SAXO1: variants seen among roughly 807,000 people sequenced by gnomAD.
SAXO1 encodes 4930500O09Rik.
A neutral mutation model predicts 17.5 loss-of-function variants in SAXO1; 21 were observed. The observed-to-expected ratio is 1.20, with a 90% CI of 0.85 to 1.72. The LOEUF is 1.72. Among genes scored for constraint, SAXO1 ranks in the 40% most tolerant of loss-of-function variants. SAXO1 has a pLI of 0.00. For synonymous variants in SAXO1, 274 were observed against 216.5 expected, an observed-to-expected ratio of 1.27 and a Z score of -2.33; for missense variants, 843 against 596.0, an observed-to-expected ratio of 1.41 and a Z score of -4.32.
At chr9:19,012,365 A>T (rs897061705) in intron 1 of SAXO1, among the ~76,000 whole-genome samples, 5 of 152,380 alleles carry the variant, frequency 3.3e-5, no homozygotes, top group Admixed American at 6.5e-5. Context: ...AGGGCGCCTC[A>T]CCCCTAATCC....
chr9:18,980,781 G>GAAAAAAAAAA (rs10640487), intron 1 of SAXO1, among the ~76,000 whole-genome samples: 10 of 83,908 alleles, frequency 1.2e-4, no homozygotes, highest in African/African-American at 4.3e-4. Context: ...TTAAAAAACT[G>GAAAAAAAAAA]AAAAAAAAAA....
At chr9:18,973,385 T>C (rs1360480092) in intron 1 of SAXO1, among the ~76,000 whole-genome samples, 1 of 152,248 alleles carries the variant, frequency 6.6e-6, no homozygotes, top group African/African-American at 2.4e-5. Flanking sequence ...AGTAGTGTTG[T>C]AGACAGGTAT....
intron 1 of SAXO1, among the ~76,000 whole-genome samples, chr9:19,047,494 G>A (rs1031953274): frequency 1.3e-5 from 2 of 152,120 alleles, no homozygotes; most frequent in Non-Finnish European, 2.9e-5. Flanking sequence ...AGAATTCAAG[G>A]GCATGGTTTC....
At chr9:19,021,797 T>C (rs1456839818) in intron 1 of SAXO1, among the ~76,000 whole-genome samples, 2 of 147,878 alleles carry the variant, frequency 1.4e-5, no homozygotes, top group Non-Finnish European at 3.0e-5. Context: ...GCAATCTGTG[T>C]CTAGCTAAAG....
intron 1 of SAXO1, among the ~76,000 whole-genome samples, chr9:19,041,609 T>C (rs993032205): frequency 1.3e-5 from 2 of 151,938 alleles, no homozygotes; most frequent in Non-Finnish European, 2.9e-5. Flanking sequence ...CATAGACCAA[T>C]AGAACAGAAA....
rs376464537 is a variant in SAXO1 at position 18,960,459 on chromosome 9, C to T, written c.39-9522G>A. Reference sequence around the variant, plus strand: ...CCTGAAATTTCAGAAATCCCTCCTACCAGGTCTTCCTGGACCCCCTGTCAG... The same window carrying T: ...CCTGAAATTTCAGAAATCCCTCCTATCAGGTCTTCCTGGACCCCCTGTCAG... On this transcript the variant is annotated intron_variant, in intron 1 of 3. Coordinates refer to ENST00000380534, the MANE Select transcript of SAXO1 (RefSeq NM_153707.4). Among the ~76,000 whole-genome samples, 439 of 152,286 alleles carry T rather than the reference C, an allele frequency of 2.9e-3. 7 individuals carry two copies. The South Asian group carries it at 0.043, about 15-fold the overall frequency.
intron 3 of SAXO1, among the ~76,000 whole-genome samples, chr9:18,937,680 A>G (rs1169692554): frequency 6.6e-6 from 1 of 152,140 alleles, no homozygotes; most frequent in Non-Finnish European, 1.5e-5. Flanking sequence ...GGAGGGAGCT[A>G]GCCAAGGCCC....
At position 19,010,771 on chromosome 9, in the gene SAXO1, T is replaced by A. The variant is rs937167522; in HGVS notation, c.38+22100A>T. 2.0e-5 allele frequency among the ~76,000 whole-genome samples: 3 copies of A among 152,344 alleles called. No homozygotes were observed. In the South Asian group the frequency reaches 6.2e-4, roughly 32 times the overall value. ...CAACAGTATTCTAGGAAATTTTCTTTCAATGTGATTACCAGGGGCAGTGAG... is the reference window on the plus strand; with the variant it reads ...CAACAGTATTCTAGGAAATTTTCTTACAATGTGATTACCAGGGGCAGTGAG... On this transcript the variant is annotated intron_variant, in intron 1 of 3. Transcript: ENST00000380534.
At chr9:19,037,950 T>A (rs1413178301), upstream of SAXO1, among the ~76,000 whole-genome samples, 1 of 152,212 alleles carries the variant, frequency 6.6e-6, no homozygotes, top group Admixed American at 6.5e-5. Context: ...GTCTCAAGCT[T>A]TTCCACCCAA....
chr9:18,933,419 A>G (rs1405541596), intron 3 of SAXO1, among the ~76,000 whole-genome samples: 1 of 152,232 alleles, frequency 6.6e-6, no homozygotes, highest in Non-Finnish European at 1.5e-5. Context: ...AGAAAAAAAT[A>G]TCTTTTTAAT....
chr9:19,042,965 A>C (rs1836113156), intron 1 of SAXO1, among the ~76,000 whole-genome samples: 1 of 152,026 alleles, frequency 6.6e-6, no homozygotes, highest in Non-Finnish European at 1.5e-5. Flanking sequence ...TGAGCCCGGG[A>C]GTTTGAGACC....
At position 18,929,062 on chromosome 9, in the gene SAXO1, T is replaced by C. The variant is rs2131663975; in HGVS notation, c.422-7A>G. 1.2e-6 allele frequency: 2 copies of C among 1,612,872 alleles called. No individual in the cohort carries two copies. Among genetic ancestry groups the C allele is most frequent in the East Asian group, 2.2e-5 (1 of 44,872 alleles). ...TTCCAAGGCAAATAATCAGCTGAAA[T>C]TAAAGCAGAAGAGGTAATTAATAAT... On this transcript the variant is annotated splice_region_variant and splice_polypyrimidine_tract_variant and intron_variant, in intron 3 of 3. Coordinates refer to ENST00000380534, the MANE Select transcript of SAXO1 (RefSeq NM_153707.4).
At chr9:18,980,531 GGGGAGGGA>G (rs56933561) in intron 1 of SAXO1, among the ~76,000 whole-genome samples, 1 of 92,718 alleles carries the variant, frequency 1.1e-5, no homozygotes, top group African/African-American at 6.3e-5. Flanking sequence ...GTAGTGGCGG[GGGGAGGGA>G]GGGAGGGAGG....
intron 1 of SAXO1, among the ~76,000 whole-genome samples, chr9:18,967,330 C>T (rs1232049401): frequency 6.6e-6 from 1 of 152,216 alleles, no homozygotes; most frequent in Non-Finnish European, 1.5e-5. Flanking sequence ...TTTAAGTCTG[C>T]TGAAGCTGCA....
At chr9:18,937,943 G>C (rs114612230) in intron 3 of SAXO1, among the ~76,000 whole-genome samples, 215 of 152,074 alleles carry the variant, frequency 1.4e-3, no homozygotes, top group African/African-American at 5.1e-3. Context: ...TTGCAAACTG[G>C]TACCCATAGG....
chr9:19,034,575 A>G (rs773659428), upstream of SAXO1, among the ~76,000 whole-genome samples: 4 of 152,188 alleles, frequency 2.6e-5, no homozygotes, highest in Non-Finnish European at 5.9e-5. Flanking sequence ...TTACAGAGAG[A>G]GAGTTCCAAC....
chr9:18,969,689 T>C, intron 1 of SAXO1, among the ~76,000 whole-genome samples: 1 of 152,370 alleles, frequency 6.6e-6, no homozygotes, highest in East Asian at 1.9e-4. Flanking sequence ...GCCTGGAACA[T>C]CTACACACTT....
At chr9:18,951,039 T>C in intron 1 of SAXO1, 102 bp from the exon 2 acceptor site, 1 of 1,191,618 alleles carries the variant, frequency 8.4e-7, no homozygotes, top group South Asian at 1.6e-5. Flanking sequence ...TAAAATCATG[T>C]GACTGCCAAC....
chr9:18,964,056 T>C (rs1279609014), intron 1 of SAXO1, among the ~76,000 whole-genome samples: 2 of 152,212 alleles, frequency 1.3e-5, no homozygotes, highest in South Asian at 2.1e-4. Context: ...TGGTTCTGTG[T>C]ATGTGATGGA....
Sources: allele counts gnomAD v4.1 joint callset (sites outside exome capture counted in the v4.1 genomes callset), GRCh38; gene constraint gnomAD v4.1.1; transcripts MANE v1.5; gene names NCBI Gene and HGNC (gene_info 2026-07-23, HGNC 2026-07-21).